GRIA4: variants seen among roughly 807,000 people sequenced by gnomAD.
The protein encoded by GRIA4 is glutamate receptor 4.
In GRIA4, 34 loss-of-function variants were observed where a neutral mutation model predicts 104.0. The ratio of observed to expected loss-of-function variants is 0.33; its 90% CI spans 0.25 to 0.44. GRIA4 has a LOEUF of 0.44. GRIA4 is among the 20% of genes least tolerant of loss of function. The pLI, the probability that GRIA4 is intolerant of heterozygous loss-of-function variation, is 1.00. For missense variants in GRIA4, 750 were observed against 1,096.5 expected, an observed-to-expected ratio of 0.68 and a Z score of 4.46; for synonymous variants, 386 against 381.9, an observed-to-expected ratio of 1.01 and a Z score of -0.13.
intron 3 of GRIA4, among the ~76,000 whole-genome samples, chr11:105,691,911 G>A (rs1953097535): frequency 7.7e-6 from 1 of 130,424 alleles, no homozygotes; most frequent in Non-Finnish European, 1.6e-5. Flanking sequence ...CTGTAGCGTG[G>A]GCTACAAGAG....
At chr11:105,933,183 A>G (rs770441011) in intron 13 of GRIA4, among the ~76,000 whole-genome samples, 3 of 152,030 alleles carry the variant, frequency 2.0e-5, no homozygotes, top group Admixed American at 6.6e-5. Flanking sequence ...TGTGGGTTAC[A>G]GTGAGCTATG....
intron 4 of GRIA4, among the ~76,000 whole-genome samples, chr11:105,775,769 C>CA (rs1242331161): frequency 6.6e-6 from 1 of 151,988 alleles, no homozygotes; most frequent in African/African-American, 2.4e-5. Flanking sequence ...GTACCCTTGT[C>CA]AGAAAGTACC....
At chr11:105,633,528 A>C (rs1951092972) in intron 3 of GRIA4, among the ~76,000 whole-genome samples, 1 of 152,210 alleles carries the variant, frequency 6.6e-6, no homozygotes, top group African/African-American at 2.4e-5. Flanking sequence ...TTATTATTCA[A>C]GCTGTGAATC....
chr11:105,899,687 T>C (rs1028472713), intron 7 of GRIA4, among the ~76,000 whole-genome samples: 4 of 152,186 alleles, frequency 2.6e-5, no homozygotes, highest in African/African-American at 9.7e-5. Context: ...AGGGGAAATA[T>C]AGGGTTAAGT....
At chr11:105,659,102 A>G (rs1951930792) in intron 3 of GRIA4, among the ~76,000 whole-genome samples, 1 of 151,992 alleles carries the variant, frequency 6.6e-6, no homozygotes, top group Admixed American at 6.6e-5. Flanking sequence ...AACTCATGAA[A>G]CAGAAATACC....
At chr11:105,975,644 T>G (rs1378918805) in intron 16 of GRIA4, among the ~76,000 whole-genome samples, 1 of 152,122 alleles carries the variant, frequency 6.6e-6, no homozygotes, top group Non-Finnish European at 1.5e-5. Context: ...ATTACAATGA[T>G]AAGTGAGTCT....
chr11:105,696,111 T>C (rs574917147), intron 3 of GRIA4, among the ~76,000 whole-genome samples: 1 of 152,326 alleles, frequency 6.6e-6, no homozygotes, highest in South Asian at 2.1e-4. Context: ...CACTACCTGG[T>C]TCATTGATCA....
intron 4 of GRIA4, among the ~76,000 whole-genome samples, chr11:105,787,016 T>C (rs867064829): frequency 1.1e-4 from 17 of 152,150 alleles, no homozygotes; most frequent in Admixed American, 1.3e-4. Flanking sequence ...TGAAAAGCAC[T>C]CTTTCTTAGT....
chr11:105,974,462 G>A lies in GRIA4; in HGVS notation c.2544+18G>A, dbSNP rs1858867069. ...GAATGAAGGTGGCAAAGAGTGCACA[G>A]ACTTTTAACCCAACTTCCTCGCAGA... On this transcript the variant is annotated intron_variant, in intron 16 of 16. Coordinates refer to ENST00000282499, the MANE Select transcript of GRIA4 (RefSeq NM_000829.4). 6 of 1,613,932 alleles carry A rather than the reference G, an allele frequency of 3.7e-6. No homozygotes were observed. Among genetic ancestry groups the A allele is most frequent in the Non-Finnish European group, 5.1e-6 (6 of 1,179,854 alleles).
chr11:105,625,141 A>G (rs1203407801), intron 3 of GRIA4, among the ~76,000 whole-genome samples: 1 of 152,068 alleles, frequency 6.6e-6, no homozygotes, highest in Non-Finnish European at 1.5e-5. Context: ...AGGCAGACAG[A>G]CATATATAGA....
chr11:105,797,840 T>C (rs1430133094), intron 4 of GRIA4: 1 of 455,462 alleles, frequency 2.2e-6, no homozygotes, highest in Admixed American at 2.4e-5. Flanking sequence ...GCTTGCCTTT[T>C]AGGGCCTAGC....
intron 15 of GRIA4, among the ~76,000 whole-genome samples, chr11:105,973,343 T>C (rs1056927704): frequency 1.3e-5 from 2 of 152,122 alleles, no homozygotes; most frequent in African/African-American, 2.4e-5. Flanking sequence ...AATAACATTA[T>C]GTAATAAGCA....
chr11:105,776,964 C>T (rs1367512205), intron 4 of GRIA4, among the ~76,000 whole-genome samples: 1 of 152,142 alleles, frequency 6.6e-6, no homozygotes, highest in Non-Finnish European at 1.5e-5. Context: ...AGGGAGTTCC[C>T]TTGGCCCTGC....
intron 3 of GRIA4, among the ~76,000 whole-genome samples, chr11:105,665,486 C>G (rs989381980): frequency 6.6e-6 from 1 of 151,794 alleles, no homozygotes; most frequent in African/African-American, 2.4e-5. Context: ...CACTGGCCTT[C>G]GAGAATGAGA....
intron 12 of GRIA4, among the ~76,000 whole-genome samples, chr11:105,924,973 A>C (rs1947665202): frequency 6.6e-6 from 1 of 152,178 alleles, no homozygotes; most frequent in African/African-American, 2.4e-5. Context: ...AATAGCAAAG[A>C]AACTATGCAA....
intron 3 of GRIA4, among the ~76,000 whole-genome samples, chr11:105,708,215 T>C (rs1182432469): frequency 6.6e-6 from 1 of 152,080 alleles, no homozygotes; most frequent in African/African-American, 2.4e-5. Context: ...TAGTATGCTG[T>C]CCTTCGTGTA....
chr11:105,832,524 G>A (rs942947989), intron 4 of GRIA4, among the ~76,000 whole-genome samples: 1 of 151,812 alleles, frequency 6.6e-6, no homozygotes, highest in African/African-American at 2.4e-5. Context: ...GAAGTACGCA[G>A]GGCTGGTATT....
chr11:105,739,541 T>G (rs1409937534), intron 3 of GRIA4, among the ~76,000 whole-genome samples: 1 of 152,196 alleles, frequency 6.6e-6, no homozygotes, highest in Non-Finnish European at 1.5e-5. Flanking sequence ...TTATGGTGAT[T>G]AGCTTCAGTA....
intron 14 of GRIA4, among the ~76,000 whole-genome samples, chr11:105,948,842 C>T (rs903606102): frequency 1.3e-5 from 2 of 152,058 alleles, no homozygotes; most frequent in South Asian, 2.1e-4. Context: ...CCGCCCACCT[C>T]GGCCTCCGTA....
Sources: gnomAD v4.1 joint callset for allele counts (sites outside exome capture counted in the v4.1 genomes callset) on GRCh38, gnomAD v4.1.1 for gene constraint, MANE v1.5 for transcripts, NCBI Gene and HGNC (gene_info 2026-07-23, HGNC 2026-07-21) for gene names.